The following MSH3 variants were observed in gnomAD, a reference collection of about 807,000 sequenced individuals.
The protein encoded by MSH3 is DNA mismatch repair protein Msh3.
A neutral mutation model predicts 123.3 loss-of-function variants in MSH3; 106 were observed. That is an observed-to-expected ratio of 0.86 (90% CI 0.73 to 1.01). MSH3 has a LOEUF of 1.01. MSH3 is among the 50% of genes least tolerant of loss of function. The pLI, the probability that MSH3 is intolerant of heterozygous loss-of-function variation, is 0.00. For synonymous variants in MSH3, 515 were observed against 481.4 expected (o/e 1.07, Z -0.91); for missense variants, 1,459 against 1,347.6 (o/e 1.08, Z -1.29).
At chr5:80,807,190 CAAAAAAA>C (rs34405208) in intron 19 of MSH3, among the ~76,000 whole-genome samples, 1 of 91,472 alleles carries the variant, frequency 1.1e-5, no homozygotes. Context: ...TACCCTGTCT[CAAAAAAA>C]AAAAAAAAAA....
At chr5:80,831,122 AAAT>A (rs1490802302) in intron 20 of MSH3, among the ~76,000 whole-genome samples, 1 of 152,188 alleles carries the variant, frequency 6.6e-6, no homozygotes, top group Non-Finnish European at 1.5e-5. Context: ...TAAAATTTTA[AAAT>A]AATAAGTCAG....
chr5:80,824,236 G>A (rs1434283088), intron 20 of MSH3, among the ~76,000 whole-genome samples: 2 of 152,042 alleles, frequency 1.3e-5, no homozygotes, highest in African/African-American at 2.4e-5. Flanking sequence ...GGTGGCGGCC[G>A]GGCAGAGGGG....
chr5:80,786,561 T>A (rs994084596), intron 17 of MSH3, among the ~76,000 whole-genome samples: 4 of 152,212 alleles, frequency 2.6e-5, no homozygotes, highest in African/African-American at 4.8e-5. Context: ...CCTCTTAATC[T>A]CTCTTGGAGG....
chr5:80,838,077 A>G (rs1745550143), intron 20 of MSH3, among the ~76,000 whole-genome samples: 1 of 152,210 alleles, frequency 6.6e-6, no homozygotes, highest in African/African-American at 2.4e-5. Context: ...GACTGGCAAA[A>G]CATACAACAT....
At chr5:80,845,327 C>T (rs1165708811) in intron 20 of MSH3, among the ~76,000 whole-genome samples, 1 of 152,160 alleles carries the variant, frequency 6.6e-6, no homozygotes, top group Non-Finnish European at 1.5e-5. Context: ...TCTGACTGCC[C>T]TTAACATTTT....
chr5:80,779,486 T>G lies in MSH3; in HGVS notation c.2435+650T>G, dbSNP rs576896502. On this transcript the variant is annotated intron_variant, in intron 17 of 23. Transcript: ENST00000265081. The stretch of plus-strand genomic sequence containing the variant: ...ATACTTAAGCCTACGTCTTTAAAAA[T>G]AAGGACATTCTACTATATAATCTTA... Among the ~76,000 whole-genome samples the G allele has an allele frequency of 4.6e-5, 7 of 152,018 alleles. No homozygotes were observed. In the South Asian group the frequency reaches 1.2e-3, roughly 27 times the overall value.
chr5:80,759,038 C>T (rs1357586034), intron 12 of MSH3, among the ~76,000 whole-genome samples: 1 of 152,182 alleles, frequency 6.6e-6, no homozygotes, highest in African/African-American at 2.4e-5. Flanking sequence ...TTTATCACAA[C>T]AATCCTTTGC....
intron 16 of MSH3, among the ~76,000 whole-genome samples, chr5:80,777,934 A>G (rs1320191924): frequency 2.6e-5 from 4 of 152,326 alleles, no homozygotes; most frequent in South Asian, 2.1e-4. Context: ...TATTTGTTTG[A>G]TCCTGTCAAC....
intron 22 of MSH3, among the ~76,000 whole-genome samples, chr5:80,871,305 G>A (rs1268147806): frequency 6.6e-6 from 1 of 152,138 alleles, no homozygotes; most frequent in Non-Finnish European, 1.5e-5. Context: ...CAAACAGTGT[G>A]CAACAGATTA....
chr5:80,661,343 G>T (rs929701366), intron 2 of MSH3, among the ~76,000 whole-genome samples: 1 of 151,990 alleles, frequency 6.6e-6, no homozygotes, highest in Non-Finnish European at 1.5e-5. Context: ...TGTTTTCCAG[G>T]CTTATTTCTC....
At chr5:80,763,278 C>T (rs1296124990) in intron 13 of MSH3, among the ~76,000 whole-genome samples, 2 of 152,156 alleles carry the variant, frequency 1.3e-5, no homozygotes, top group Admixed American at 6.5e-5. Flanking sequence ...CCCAAGAGGA[C>T]TTACGTAACT....
chr5:80,722,069 A>T (rs976477257), intron 8 of MSH3, among the ~76,000 whole-genome samples: 32 of 152,250 alleles, frequency 2.1e-4, no homozygotes, highest in African/African-American at 7.7e-4. Flanking sequence ...ATTTTCTGTC[A>T]TAAATCCTTC....
intron 4 of MSH3, among the ~76,000 whole-genome samples, chr5:80,671,628 C>A (rs893706225): frequency 6.6e-6 from 1 of 152,052 alleles, no homozygotes; most frequent in Non-Finnish European, 1.5e-5. Flanking sequence ...TAATAGAGTT[C>A]AGAGAAGGGG....
At chr5:80,830,315 ATTT>A (rs1186210021) in intron 20 of MSH3, among the ~76,000 whole-genome samples, 4 of 152,064 alleles carry the variant, frequency 2.6e-5, no homozygotes, top group Non-Finnish European at 5.9e-5. Flanking sequence ...TTGAACTCTT[ATTT>A]TTAAGAATCT....
chr5:80,864,885 G>A lies in MSH3; in HGVS notation c.3073G>A (p.Val1025Met), dbSNP rs375336744. ...CELEKNYSHQVGNYHMGFLVS... is the reference protein window; with the variant it reads ...CELEKNYSHQMGNYHMGFLVS... The stretch of plus-strand genomic sequence containing the variant: ...ACTAGAAAAAAATTACTCACACCAG[G>A]TGGGGAATTACCACATGGGATTCTT... The change falls in exon 22 of 24, where the codon GTG becomes ATG. Residue 1025 changes from valine (V) to methionine (M), a missense_variant. Coordinates refer to ENST00000265081, the MANE Select transcript of MSH3 (RefSeq NM_002439.5). The A allele has an allele frequency of 6.2e-6, 10 of 1,613,660 alleles. No individual in the cohort carries two copies. In the African/African-American group the frequency reaches 1.1e-4, roughly 17 times the overall value.
intron 10 of MSH3, among the ~76,000 whole-genome samples, chr5:80,735,061 G>A (rs893359895): frequency 2.0e-5 from 3 of 152,130 alleles, no homozygotes; most frequent in Non-Finnish European, 4.4e-5. Flanking sequence ...GAAGAGGGAG[G>A]CTGGAGAAAA....
At chr5:80,751,113 A>G (rs575260539) in intron 12 of MSH3, among the ~76,000 whole-genome samples, 2 of 152,316 alleles carry the variant, frequency 1.3e-5, no homozygotes, top group East Asian at 1.9e-4. Flanking sequence ...AAAACTTTGC[A>G]TAGATTTCAA....
chr5:80,838,890 A>G (rs371538703), intron 20 of MSH3, among the ~76,000 whole-genome samples: 3 of 152,316 alleles, frequency 2.0e-5, no homozygotes, highest in African/African-American at 4.8e-5. Context: ...TTTTCACTCA[A>G]TCTTGTAGAC....
At chr5:80,775,330 A>T in intron 15 of MSH3, among the ~76,000 whole-genome samples, 1 of 152,294 alleles carries the variant, frequency 6.6e-6, no homozygotes, top group South Asian at 2.1e-4. Context: ...ATATTTTAAA[A>T]TTTTATATAC....
Sources: allele counts gnomAD v4.1 joint callset (sites outside exome capture counted in the v4.1 genomes callset), GRCh38; gene constraint gnomAD v4.1.1; transcripts MANE v1.5; gene names NCBI Gene and HGNC (gene_info 2026-07-23, HGNC 2026-07-21).